The following TPR variants were observed in gnomAD, a reference collection of about 807,000 sequenced individuals.
The protein encoded by TPR is nucleoprotein TPR.
A neutral mutation model predicts 316.1 loss-of-function variants in TPR; 51 were observed. That is an observed-to-expected ratio of 0.16 (90% CI 0.13 to 0.20). TPR has a LOEUF of 0.20. Ranked by LOEUF, TPR falls within the 10% of genes least tolerant of loss-of-function variation. TPR has a pLI of 1.00. For missense variants in TPR, 2,272 were observed against 2,754.8 expected, an observed-to-expected ratio of 0.82 and a Z score of 3.92; for synonymous variants, 981 against 914.7, an observed-to-expected ratio of 1.07 and a Z score of -1.31.
chr1:186,363,375 C>T lies in TPR; in HGVS notation c.498G>A (p.Leu166=). ...AAACATCAGAAGCTTGAAGTTCATC[C>T]AATTTTAACTGAAGTTCACCCTTTG... ...NTTKGELQLK[L]DELQASDVSV... The change falls in exon 5 of 51, where the codon TTG becomes TTA. Residue 166 remains leucine (L), a synonymous_variant. Coordinates refer to ENST00000367478, the MANE Select transcript of TPR (RefSeq NM_003292.3). 1 of 1,612,688 alleles carries T rather than the reference C, an allele frequency of 6.2e-7. No homozygotes were observed. The highest frequency in any genetic ancestry group is 2.2e-5 in the East Asian group (1 of 44,742).
At chr1:186,340,699 G>C (rs1013404664) in intron 29 of TPR, among the ~76,000 whole-genome samples, 7 of 151,958 alleles carry the variant, frequency 4.6e-5, no homozygotes, top group Non-Finnish European at 8.8e-5. Context: ...CGAAAGTGCT[G>C]GGATTACAGG....
chr1:186,349,659 CA>C lies in TPR; in HGVS notation c.2776+563del, dbSNP rs71104853. Among the ~76,000 whole-genome samples the C allele has an allele frequency of 2.0e-3, 289 of 146,590 alleles. 1 individual carries two copies. Among genetic ancestry groups the C allele is most frequent in the African/African-American group, 3.9e-3 (155 of 40,044 alleles). ...TGGGCAACAGTGCGAGACTCTCTCT[CA>C]AAAAAAAAAAAAAAAATAAATAAAT... On this transcript the variant is annotated intron_variant, in intron 21 of 50. Coordinates refer to ENST00000367478, the MANE Select transcript of TPR (RefSeq NM_003292.3).
chr1:186,325,761 C>T lies in TPR; in HGVS notation c.6112+3G>A, dbSNP rs1657908118. On this transcript the variant is annotated splice_donor_region_variant and intron_variant, in intron 42 of 50. Transcript: ENST00000367478. ...ATTCAAAAAAGGCTAATAAAAATCT[C>T]ACCACTGTTTTGAGAATCAGCAGCT... 1.9e-6 allele frequency: 3 copies of T among 1,610,728 alleles called. No homozygotes were observed. Among genetic ancestry groups the T allele is most frequent in the East Asian group, 2.2e-5 (1 of 44,792 alleles).
chr1:186,317,348 T>G (rs1421605591), intron 49 of TPR, 134 bp downstream of exon 49: 1 of 709,004 alleles, frequency 1.4e-6, no homozygotes, highest in African/African-American at 1.8e-5. Context: ...CTTTTAATAA[T>G]AAAATTTCTC....
chr1:186,318,607 TA>T lies in TPR; in HGVS notation c.6665-5del. 2.5e-6 allele frequency: 4 copies of T among 1,606,088 alleles called. No homozygotes were observed. The highest frequency in any genetic ancestry group is 3.4e-6 in the Non-Finnish European group (4 of 1,177,884). Reference sequence around the variant, plus strand: ...GTGCTCTCAGTAAATACAGTCACTTTAAAAAGACAACACAAGAAAAAGAACT... The same window carrying T: ...GTGCTCTCAGTAAATACAGTCACTTTAAAAGACAACACAAGAAAAAGAACT... On this transcript the variant is annotated splice_polypyrimidine_tract_variant and splice_region_variant and intron_variant, in intron 47 of 50. Coordinates refer to ENST00000367478, the MANE Select transcript of TPR (RefSeq NM_003292.3).
chr1:186,357,556 C>A lies in TPR; in HGVS notation c.1565G>T (p.Ser522Ile). ...AGATGAACTACTTATATCAGCAGAG[C>A]TTACTTCCTCATCACGAATTACGTG... is the stretch of plus-strand genomic sequence containing the variant. ...GNHVIRDEEV[S>I]SADISSSSEV... Residue 522 changes from serine (S) to isoleucine (I), a missense_variant, in exon 14 of 51, where the codon AGC (serine) becomes ATC (isoleucine). Physicochemically the swap from Ser to Ile is moderately radical, Grantham distance 142. Coordinates refer to ENST00000367478, the MANE Select transcript of TPR (RefSeq NM_003292.3). 2 of 1,614,056 alleles carry A rather than the reference C, an allele frequency of 1.2e-6. No individual in the cohort carries two copies. The highest frequency in any genetic ancestry group is 2.2e-5 in the South Asian group (2 of 91,074).
In TPR at chr1:186,312,787, T is replaced by C; in HGVS notation, c.*1184A>G. On this transcript the variant is annotated 3_prime_UTR_variant, in exon 51 of 51. Coordinates refer to ENST00000367478, the MANE Select transcript of TPR (RefSeq NM_003292.3). ...CTTACAGGTGTCCTTCATAATGAAG[T>C]TAAAGTGAGTATACTGTGGAGAGGA... 6.2e-7 allele frequency: 1 copy of C among 1,613,056 alleles called. No individual in the cohort carries two copies. The highest frequency in any genetic ancestry group is 8.5e-7 in the Non-Finnish European group (1 of 1,179,070).
chr1:186,335,955 T>TA (rs1453582372), intron 33 of TPR, among the ~76,000 whole-genome samples: 1 of 151,924 alleles, frequency 6.6e-6, no homozygotes, highest in Admixed American at 6.6e-5. Flanking sequence ...GAGATCATTT[T>TA]AAAAAAATGC....
intron 1 of TPR, 57 bp downstream of exon 1, chr1:186,374,820 AG>A: frequency 6.5e-7 from 1 of 1,542,894 alleles, no homozygotes; most frequent in South Asian, 1.2e-5. Context: ...GGGGAAGACC[AG>A]ACCCAAAGGG....
chr1:186,327,794 T>C (rs11582844), intron 39 of TPR, 134 bp from the exon 40 acceptor site: 246,166 of 789,142 alleles, frequency 0.31, 43,167 homozygotes, highest in Admixed American at 0.4. Flanking sequence ...TTTAATTTTT[T>C]TTTTTTGAGA....
chr1:186,356,510 T>C, intron 14 of TPR, 61 bp from the exon 15 acceptor site: 2 of 1,464,926 alleles, frequency 1.4e-6, no homozygotes, highest in Non-Finnish European at 1.9e-6. Flanking sequence ...TTGTAATTTC[T>C]ACTGTAATTA....
At chr1:186,314,850 T>G (rs971299718) in intron 49 of TPR, 126 bp from the exon 50 acceptor site, 7 of 552,834 alleles carry the variant, frequency 1.3e-5, no homozygotes, top group Non-Finnish European at 2.1e-5. Context: ...TTTCAATTCT[T>G]TTTTTCAAAC....
chr1:186,371,079 T>G (rs776489617), intron 2 of TPR, 36 bp from the exon 3 acceptor site: 1 of 1,542,176 alleles, frequency 6.5e-7, no homozygotes, highest in African/African-American at 1.4e-5. Flanking sequence ...CATACACATT[T>G]GCTTAAAACT....
rs755505399 is a variant in TPR, at chr1:186,355,693, G to A, written c.1964C>T (p.Ala655Val). The change falls in exon 16 of 51, where the codon GCT (alanine) becomes GTT (valine). Residue 655 changes from alanine (A) to valine (V), a missense_variant. Coordinates refer to ENST00000367478, the MANE Select transcript of TPR (RefSeq NM_003292.3). ...TGTTGATTCAATAACAGGTACTGGAGCAGGAGTGGAAACAGTCTGTGATGT... is the reference window on the plus strand; with the variant it reads ...TGTTGATTCAATAACAGGTACTGGAACAGGAGTGGAAACAGTCTGTGATGT... ...PSTSQTVSTPAPVPVIESTEA... is the reference protein window; with the variant it reads ...PSTSQTVSTPVPVPVIESTEA... The A allele has an allele frequency of 1.9e-6, 3 of 1,614,124 alleles. No individual in the cohort carries two copies. Among genetic ancestry groups the A allele is most frequent in the East Asian group, 4.5e-5 (2 of 44,858 alleles).
At chr1:186,373,512 T>G in intron 1 of TPR, 49 bp from the exon 2 acceptor site, 10 of 1,109,214 alleles carry the variant, frequency 9.0e-6, no homozygotes, top group South Asian at 1.3e-5. Context: ...CACATGTACA[T>G]ACATTGTGAA....
intron 50 of TPR, chr1:186,314,269 A>G: frequency 4.3e-6 from 2 of 460,716 alleles, no homozygotes; most frequent in Admixed American, 3.9e-5. Flanking sequence ...TACTAGCTAA[A>G]ACATAATCAC....
chr1:186,314,122 A>G, intron 50 of TPR, 96 bp from the exon 51 acceptor site: 1 of 1,154,134 alleles, frequency 8.7e-7, no homozygotes, highest in Non-Finnish European at 1.2e-6. Context: ...ATATCTAGGC[A>G]TTGTGGATAT....
rs141402833 is a variant in TPR, at chr1:186,372,305, G to A, written c.256+1054C>T. 1.5e-4 allele frequency among the ~76,000 whole-genome samples: 23 copies of A among 152,278 alleles called. No homozygotes were observed. In the East Asian group the frequency reaches 4.2e-3, roughly 28 times the overall value. The stretch of plus-strand genomic sequence containing the variant: ...AGTGGCAATCCCAGCACTTTGGGAC[G>A]CCGAGGCGGGAGAATCGCTCGAGGC... On this transcript the variant is annotated intron_variant, in intron 2 of 50. Coordinates refer to ENST00000367478, the MANE Select transcript of TPR (RefSeq NM_003292.3).
At chr1:186,355,899 T>C (rs977717082) in intron 15 of TPR, 131 bp from the exon 16 acceptor site, 1 of 1,113,418 alleles carries the variant, frequency 9.0e-7, no homozygotes, top group Non-Finnish European at 1.2e-6. Context: ...AATAAGATTA[T>C]AGGAGTTTTT....
Sources: gnomAD v4.1 joint callset for allele counts (sites outside exome capture counted in the v4.1 genomes callset) on GRCh38, gnomAD v4.1.1 for gene constraint, MANE v1.5 for transcripts, NCBI Gene and HGNC (gene_info 2026-07-23, HGNC 2026-07-21) for gene names.